Variants in MACROD2 observed in about 807,000 individuals in gnomAD.
The protein encoded by MACROD2 is ADP-ribose glycohydrolase MACROD2.
A neutral mutation model predicts 70.4 loss-of-function variants in MACROD2; 36 were observed. The ratio of observed to expected loss-of-function variants is 0.51; its 90% CI spans 0.39 to 0.68. MACROD2 has a LOEUF of 0.68. MACROD2 is among the 30% of genes least tolerant of loss of function. The pLI, the probability that MACROD2 is intolerant of heterozygous loss-of-function variation, is 0.00. For synonymous variants in MACROD2, 172 were observed against 178.8 expected (o/e 0.96, Z 0.30); for missense variants, 496 against 538.4 (o/e 0.92, Z 0.78).
chr20:15,739,733 A>G (rs1234762651), intron 8 of MACROD2, among the ~76,000 whole-genome samples: 3 of 152,230 alleles, frequency 2.0e-5, no homozygotes, highest in Non-Finnish European at 2.9e-5. Context: ...CAACAAATAT[A>G]GAATGAAAAC....
chr20:15,022,889 G>C (rs893516605), intron 5 of MACROD2: 1 of 152,128 alleles, frequency 6.6e-6, no homozygotes, highest in Non-Finnish European at 1.5e-5. Context: ...AAATTGGAAC[G>C]ATACAGAGAA....
At chr20:15,722,951 T>G (rs551236137) in intron 8 of MACROD2, among the ~76,000 whole-genome samples, 1 of 152,194 alleles carries the variant, frequency 6.6e-6, no homozygotes, top group Non-Finnish European at 1.5e-5. Context: ...TATCCAGTTG[T>G]CCCATTGATA....
chr20:15,531,385 C>T (rs917012692), intron 8 of MACROD2, among the ~76,000 whole-genome samples: 1 of 151,446 alleles, frequency 6.6e-6, no homozygotes. Flanking sequence ...TTCTTCTCCT[C>T]CAGCTTATTA....
intron 2 of MACROD2, among the ~76,000 whole-genome samples, chr20:14,006,317 C>A (rs1441631504): frequency 6.6e-6 from 1 of 152,156 alleles, no homozygotes; most frequent in Non-Finnish European, 1.5e-5. Flanking sequence ...ATCCATTACC[C>A]AGTTTCAACA....
At chr20:14,051,657 C>T (rs1236208185) in intron 2 of MACROD2, 2 of 331,088 alleles carry the variant, frequency 6.0e-6, no homozygotes, top group African/African-American at 4.4e-5. Flanking sequence ...TGGAATGAGT[C>T]AGCATATAAA....
At chr20:15,366,679 T>G (rs1343626294) in intron 6 of MACROD2, among the ~76,000 whole-genome samples, 9 of 151,870 alleles carry the variant, frequency 5.9e-5, no homozygotes, top group African/African-American at 1.9e-4. Context: ...GCCTCCCAAG[T>G]AGCTGGGACT....
intron 15 of MACROD2, among the ~76,000 whole-genome samples, chr20:16,025,687 G>C (rs1425062707): frequency 6.6e-6 from 1 of 152,172 alleles, no homozygotes; most frequent in Non-Finnish European, 1.5e-5. Context: ...TGGGACCCCA[G>C]GCCCTCTGGT....
chr20:14,609,656 T>C (rs1040576430), intron 4 of MACROD2, among the ~76,000 whole-genome samples: 3 of 152,156 alleles, frequency 2.0e-5, no homozygotes, highest in African/African-American at 7.2e-5. Context: ...AAAATACTTA[T>C]GTGTATGAAG....
At chr20:14,418,776 C>T (rs1664984271) in intron 3 of MACROD2, among the ~76,000 whole-genome samples, 1 of 152,168 alleles carries the variant, frequency 6.6e-6, no homozygotes. Context: ...GTTTTAGAAT[C>T]TCTGTTATAA....
At chr20:14,487,909 C>T (rs1414766172) in intron 3 of MACROD2, among the ~76,000 whole-genome samples, 1 of 152,016 alleles carries the variant, frequency 6.6e-6, no homozygotes, top group Non-Finnish European at 1.5e-5. Flanking sequence ...ATCTCACTTG[C>T]TAGTTCATTA....
At chr20:15,475,558 A>G (rs1227213738) in intron 7 of MACROD2, among the ~76,000 whole-genome samples, 1 of 152,220 alleles carries the variant, frequency 6.6e-6, no homozygotes, top group Admixed American at 6.5e-5. Flanking sequence ...CAGCATTTAC[A>G]GCCATCATTG....
intron 9 of MACROD2, among the ~76,000 whole-genome samples, chr20:15,874,421 T>C (rs895748049): frequency 7.2e-5 from 11 of 152,118 alleles, no homozygotes; most frequent in Admixed American, 2.6e-4. Context: ...ATCCTTTGGG[T>C]ATATACCCAG....
At chr20:14,246,113 T>A (rs1217305491) in intron 3 of MACROD2, among the ~76,000 whole-genome samples, 6 of 152,218 alleles carry the variant, frequency 3.9e-5, no homozygotes, top group Non-Finnish European at 8.8e-5. Context: ...ATTAATCTTT[T>A]ACATATGATT....
intron 4 of MACROD2, among the ~76,000 whole-genome samples, chr20:14,607,982 G>A (rs62202911): frequency 0.19 from 28,598 of 152,086 alleles, 3,365 homozygotes; most frequent in Non-Finnish European, 0.26. Flanking sequence ...GCCAGGTGTG[G>A]TGGCTCACAC....
At chr20:14,827,699 A>G (rs2072917827) in intron 5 of MACROD2, among the ~76,000 whole-genome samples, 1 of 152,062 alleles carries the variant, frequency 6.6e-6, no homozygotes, top group African/African-American at 2.4e-5. Context: ...CCAGAAAAAA[A>G]AAAAAAGTTG....
At chr20:15,623,679 CCTATCTATCTATCTAT>C (rs3071265) in intron 8 of MACROD2, among the ~76,000 whole-genome samples, 11 of 148,248 alleles carry the variant, frequency 7.4e-5, no homozygotes, top group East Asian at 6.0e-4. Context: ...AAGTTATCTG[CCTATCTATCTATCTAT>C]CTATCTATCT....
intron 5 of MACROD2, among the ~76,000 whole-genome samples, chr20:14,689,642 T>C (rs935937994): frequency 4.6e-5 from 7 of 152,176 alleles, no homozygotes; most frequent in Non-Finnish European, 8.8e-5. Flanking sequence ...GCTCTTTCTT[T>C]GCTCCTTTCA....
chr20:15,489,609 T>C (rs1300181959), intron 7 of MACROD2, among the ~76,000 whole-genome samples: 1 of 152,224 alleles, frequency 6.6e-6, no homozygotes. Context: ...TCTAATTCCA[T>C]GGGTCCTCTG....
intron 10 of MACROD2, among the ~76,000 whole-genome samples, chr20:15,921,113 T>C (rs966101060): frequency 1.3e-5 from 2 of 152,044 alleles, no homozygotes; most frequent in Admixed American, 1.3e-4. Flanking sequence ...AACCCACCCA[T>C]GGCTCCCAGC....
Sources: gnomAD v4.1 joint callset for allele counts (sites outside exome capture counted in the v4.1 genomes callset) on GRCh38, gnomAD v4.1.1 for gene constraint, MANE v1.5 for transcripts, NCBI Gene and HGNC (gene_info 2026-07-23, HGNC 2026-07-21) for gene names.